Variants in TTC6 observed in about 807,000 individuals in gnomAD.
The protein encoded by TTC6 is tetratricopeptide repeat domain 6, also known as tetratricopeptide repeat protein 6.
TTC6 carries 172 observed loss-of-function variants against 210.4 expected under a neutral mutation model. That is an observed-to-expected ratio of 0.82 (90% CI 0.72 to 0.93). The LOEUF (loss-of-function observed/expected upper bound fraction) is 0.93, where lower values mean the gene tolerates loss of function less well. TTC6 is among the 40% of genes least tolerant of loss of function. TTC6 has a pLI of 0.00. For synonymous variants in TTC6, 804 were observed against 819.6 expected, an observed-to-expected ratio of 0.98 and a Z score of 0.32; for missense variants, 2,414 against 2,318.1, an observed-to-expected ratio of 1.04 and a Z score of -0.85.
At chr14:37,829,787 A>G (rs900323261) in intron 29 of TTC6, among the ~76,000 whole-genome samples, 1 of 152,110 alleles carries the variant, frequency 6.6e-6, no homozygotes, top group Non-Finnish European at 1.5e-5. Flanking sequence ...GGGGAAATCC[A>G]AAAGAATAGT....
intron 13 of TTC6, among the ~76,000 whole-genome samples, chr14:37,752,148 C>T (rs1034309303): frequency 3.3e-5 from 5 of 151,864 alleles, no homozygotes; most frequent in South Asian, 2.1e-4. Context: ...TTAACTGAAC[C>T]GTAGTCAAGG....
chr14:37,775,194 T>G (rs2096033383), intron 14 of TTC6, among the ~76,000 whole-genome samples: 1 of 152,172 alleles, frequency 6.6e-6, no homozygotes, highest in African/African-American at 2.4e-5. Context: ...CTGGATTTGT[T>G]TATCTTTTGT....
chr14:37,614,479 TAAG>T (rs1006177141), intron 2 of TTC6, among the ~76,000 whole-genome samples: 1 of 152,120 alleles, frequency 6.6e-6, no homozygotes, highest in Non-Finnish European at 1.5e-5. Flanking sequence ...TTTTTAAACT[TAAG>T]AGAAAAAAAT....
intron 14 of TTC6, among the ~76,000 whole-genome samples, chr14:37,761,920 T>TTA (rs1355960267): frequency 6.6e-6 from 1 of 152,176 alleles, no homozygotes. Context: ...CCTCAAATAC[T>TTA]TACCATTTTT....
intron 2 of TTC6, among the ~76,000 whole-genome samples, chr14:37,681,822 G>C (rs1474222392): frequency 1.3e-5 from 2 of 152,078 alleles, no homozygotes; most frequent in South Asian, 4.1e-4. Flanking sequence ...GCTTGCAGAG[G>C]ACACACACAC....
rs755578989 is a variant in TTC6, at chr14:37,827,178, CATA to C, written c.5128-14_5128-12del. ...ATACTATTCCCCAATGTTAAATAAT[CATA>C]ATATTATACTGCAGATCAGTACTAC... On this transcript the variant is annotated splice_polypyrimidine_tract_variant and intron_variant, in intron 28 of 30. Coordinates refer to ENST00000553443, the Ensembl canonical transcript of TTC6. The C allele has an allele frequency of 6.3e-7, 1 of 1,587,198 alleles. No individual in the cohort carries two copies. Among genetic ancestry groups the C allele is most frequent in the Non-Finnish European group, 8.6e-7 (1 of 1,164,634 alleles).
At chr14:37,842,239 T>C (rs547260001) in exon 31 of TTC6, 1 of 1,609,862 alleles carries the variant, frequency 6.2e-7, no homozygotes, top group African/African-American at 1.3e-5. Context: ...GAGGAAGCTA[T>C]GGCTGACTAT....
intron 3 of TTC6, among the ~76,000 whole-genome samples, chr14:37,692,208 C>CAAAAAAAAAAAAAAAAAGAAAAAAAAA (rs2095804790): frequency 2.5e-5 from 1 of 40,154 alleles, no homozygotes; most frequent in Admixed American, 4.4e-4. Flanking sequence ...AAAGACACAC[C>CAAAAAAAAAAAAAAAAAGAAAAAAAAA]AAAAAAAAAA....
chr14:37,682,073 G>A (rs137879298), intron 2 of TTC6, among the ~76,000 whole-genome samples: 1 of 152,068 alleles, frequency 6.6e-6, no homozygotes, highest in African/African-American at 2.4e-5. Flanking sequence ...CTAGATGGCT[G>A]AGCTACCATG....
At chr14:37,777,406 A>G (rs759303615) in intron 14 of TTC6, among the ~76,000 whole-genome samples, 6 of 152,018 alleles carry the variant, frequency 3.9e-5, no homozygotes, top group East Asian at 1.9e-4. Context: ...AATACTTGCA[A>G]TTGTATTCTG....
rs552532740 is a variant in TTC6 at position 37,791,471 on chromosome 14, C to T, written c.3557+634C>T. Among the ~76,000 whole-genome samples, 3 of 152,200 alleles carry T rather than the reference C, an allele frequency of 2.0e-5. No homozygotes were observed. In the South Asian group the frequency reaches 6.2e-4, roughly 32 times the overall value. On this transcript the variant is annotated intron_variant, in intron 16 of 30. Coordinates refer to ENST00000553443, the Ensembl canonical transcript of TTC6. ...GTGTCAGAAAGAGTAACTAATCATGCCAATTCCTTGCCAACCAGCAGACTG... is the reference window on the plus strand; with the variant it reads ...GTGTCAGAAAGAGTAACTAATCATGTCAATTCCTTGCCAACCAGCAGACTG...
chr14:37,777,786 T>TGA (rs2096042318), intron 14 of TTC6, among the ~76,000 whole-genome samples: 1 of 140,430 alleles, frequency 7.1e-6, no homozygotes, highest in Non-Finnish European at 1.5e-5. Context: ...TTTTTTTTTT[T>TGA]TTTGATGCTT....
intron 2 of TTC6, among the ~76,000 whole-genome samples, chr14:37,612,057 A>G (rs1235318266): frequency 6.6e-6 from 1 of 152,200 alleles, no homozygotes; most frequent in African/African-American, 2.4e-5. Context: ...ACAACTTTAT[A>G]GAGGCATAAT....
chr14:37,807,229 C>A, intron 22 of TTC6, 91 bp from the exon 25 acceptor site: 1 of 1,184,760 alleles, frequency 8.4e-7, no homozygotes, highest in Non-Finnish European at 1.1e-6. Context: ...TTTTGGGAGG[C>A]ATAGATTTGT....
At chr14:37,703,620 T>C (rs1295323837) in intron 5 of TTC6, among the ~76,000 whole-genome samples, 1 of 152,134 alleles carries the variant, frequency 6.6e-6, no homozygotes, top group African/African-American at 2.4e-5. Context: ...GTAATAGTTG[T>C]GGTTGTGTAG....
chr14:37,785,243 T>G (rs1321754763), intron 14 of TTC6, among the ~76,000 whole-genome samples: 1 of 152,220 alleles, frequency 6.6e-6, no homozygotes, highest in East Asian at 1.9e-4. Flanking sequence ...ATTCTCCCCA[T>G]CACTTTCAGG....
At chr14:37,686,989 A>G (rs2095795179) in intron 3 of TTC6, among the ~76,000 whole-genome samples, 1 of 152,232 alleles carries the variant, frequency 6.6e-6, no homozygotes, top group South Asian at 2.1e-4. Context: ...ATGGTGGAAT[A>G]GAAGGCTCCA....
chr14:37,643,849 A>G (rs2095696776), intron 1 of TTC6, among the ~76,000 whole-genome samples: 1 of 152,192 alleles, frequency 6.6e-6, no homozygotes, highest in Admixed American at 6.5e-5. Context: ...GACAGCTGAG[A>G]CACTTTTCAT....
chr14:37,761,251 G>A (rs999196733), intron 14 of TTC6, among the ~76,000 whole-genome samples: 1 of 151,824 alleles, frequency 6.6e-6, no homozygotes, highest in African/African-American at 2.4e-5. Context: ...GGTTGGGGAG[G>A]GAGGTCCCTG....
Sources: allele counts gnomAD v4.1 joint callset (sites outside exome capture counted in the v4.1 genomes callset), GRCh38; gene constraint gnomAD v4.1.1; transcripts MANE v1.5; gene names NCBI Gene and HGNC (gene_info 2026-07-23, HGNC 2026-07-21).